Variants in DPP10 observed in about 807,000 individuals in gnomAD.
DPP10 encodes the protein inactive dipeptidyl peptidase 10.
In DPP10, 33 loss-of-function variants were observed where a neutral mutation model predicts 120.9. The ratio of observed to expected loss-of-function variants is 0.27; its 90% CI spans 0.21 to 0.37. DPP10 has a LOEUF of 0.37. Ranked by LOEUF, DPP10 falls within the 10% of genes least tolerant of loss-of-function variation. The pLI, the probability that DPP10 is intolerant of heterozygous loss-of-function variation, is 1.00. For synonymous variants in DPP10, 337 were observed against 326.1 expected (o/e 1.03, Z -0.36); for missense variants, 816 against 942.8 (o/e 0.87, Z 1.76).
At chr2:115,840,449 C>T (rs770741177) in intron 24 of DPP10, among the ~76,000 whole-genome samples, 4 of 150,832 alleles carry the variant, frequency 2.7e-5, no homozygotes, top group Admixed American at 1.3e-4. Context: ...CTCAGCCTCT[C>T]GAGTAGCTGG....
At chr2:115,581,190 G>T (rs2081985687) in intron 5 of DPP10, among the ~76,000 whole-genome samples, 1 of 152,120 alleles carries the variant, frequency 6.6e-6, no homozygotes, top group African/African-American at 2.4e-5. Context: ...TAATGGCTCT[G>T]ATTTTTGTTG....
intron 8 of DPP10, among the ~76,000 whole-genome samples, chr2:115,730,918 A>G (rs2092892309): frequency 6.6e-6 from 1 of 152,186 alleles, no homozygotes; most frequent in Admixed American, 6.5e-5. Context: ...TTGTGCATCT[A>G]ATCATTTATG....
At chr2:114,502,696 A>T (rs1339999676) in intron 1 of DPP10, among the ~76,000 whole-genome samples, 2 of 152,202 alleles carry the variant, frequency 1.3e-5, no homozygotes, top group East Asian at 3.9e-4. Flanking sequence ...TTCCCCACAC[A>T]TTCTACCATG....
chr2:114,636,334 A>G (rs770143933), intron 1 of DPP10, among the ~76,000 whole-genome samples: 1 of 152,030 alleles, frequency 6.6e-6, no homozygotes. Flanking sequence ...AGCTTCAACA[A>G]GAACATTCTT....
chr2:114,988,392 C>A (rs569260587), intron 1 of DPP10, among the ~76,000 whole-genome samples: 5 of 152,192 alleles, frequency 3.3e-5, no homozygotes, highest in Non-Finnish European at 7.3e-5. Flanking sequence ...AAGCTGACCA[C>A]ATATGTGAGA....
intron 1 of DPP10, among the ~76,000 whole-genome samples, chr2:114,451,499 T>C (rs995189373): frequency 1.3e-5 from 2 of 151,966 alleles, no homozygotes; most frequent in African/African-American, 4.8e-5. Context: ...AAGCCAGAAC[T>C]CTACATAGGA....
Position 114,863,511 on chromosome 2 carries a change from C to A in DPP10, c.60+420673C>A, listed in dbSNP as rs58970492. 7.4e-3 allele frequency among the ~76,000 whole-genome samples: 1,126 copies of A among 152,158 alleles called. 8 individuals are homozygous for A. The highest frequency in any genetic ancestry group is 0.022 in the African/African-American group (904 of 41,510). ...GTGGGTTCCCGTATCTTCACTCTTC[C>A]ATTCTCCACTACCAGATCTCCTTCC... On this transcript the variant is annotated intron_variant, in intron 1 of 25. Coordinates refer to ENST00000410059, the MANE Select transcript of DPP10 (RefSeq NM_020868.6).
At chr2:114,499,017 G>A (rs1274736332) in intron 1 of DPP10, among the ~76,000 whole-genome samples, 4 of 152,176 alleles carry the variant, frequency 2.6e-5, no homozygotes, top group Non-Finnish European at 5.9e-5. Flanking sequence ...TAGATCTGGA[G>A]GACAACATGC....
At chr2:114,469,607 A>G (rs1445108317) in intron 1 of DPP10, among the ~76,000 whole-genome samples, 2 of 152,154 alleles carry the variant, frequency 1.3e-5, no homozygotes, top group East Asian at 3.9e-4. Flanking sequence ...GCATGCCTGT[A>G]ATCCTAGCTA....
chr2:115,357,235 G>T (rs1267920863), intron 3 of DPP10, among the ~76,000 whole-genome samples: 1 of 152,158 alleles, frequency 6.6e-6, no homozygotes, highest in Non-Finnish European at 1.5e-5. Context: ...CTGAGACAAG[G>T]GAAATCCCTT....
intron 3 of DPP10, among the ~76,000 whole-genome samples, chr2:115,355,040 A>C (rs1380670122): frequency 3.3e-5 from 5 of 152,180 alleles, no homozygotes; most frequent in Non-Finnish European, 5.9e-5. Flanking sequence ...TAGTAGAATG[A>C]TTTATAATCT....
At chr2:115,606,978 A>G (rs1440405630) in intron 5 of DPP10, among the ~76,000 whole-genome samples, 2 of 152,204 alleles carry the variant, frequency 1.3e-5, no homozygotes, top group Admixed American at 6.5e-5. Flanking sequence ...GCCCTTGGCC[A>G]TGTGAGGTTG....
chr2:115,489,289 T>A (rs954715245), intron 3 of DPP10, among the ~76,000 whole-genome samples: 41 of 151,712 alleles, frequency 2.7e-4, no homozygotes, highest in African/African-American at 9.7e-4. Flanking sequence ...CTGTAGTTTA[T>A]GGACCCCTGA....
intron 1 of DPP10, among the ~76,000 whole-genome samples, chr2:114,634,660 G>T (rs994858868): frequency 6.6e-6 from 1 of 151,844 alleles, no homozygotes; most frequent in Non-Finnish European, 1.5e-5. Flanking sequence ...TTATGAATTA[G>T]GGATAATAAT....
intron 1 of DPP10, chr2:115,161,988 C>T (rs992065382): frequency 5.0e-6 from 7 of 1,397,306 alleles, no homozygotes; most frequent in Non-Finnish European, 5.5e-6. Context: ...CCGCAGCCCA[C>T]CCCGGGGGCC....
intron 4 of DPP10, among the ~76,000 whole-genome samples, chr2:115,520,915 G>A (rs981981247): frequency 6.6e-6 from 1 of 152,108 alleles, no homozygotes; most frequent in Non-Finnish European, 1.5e-5. Flanking sequence ...CATTACCGTG[G>A]CAATAAAAGA....
intron 2 of DPP10, among the ~76,000 whole-genome samples, chr2:115,332,664 G>A (rs903455835): frequency 1.3e-5 from 2 of 152,230 alleles, no homozygotes; most frequent in Admixed American, 6.5e-5. Context: ...CTTTATTTCT[G>A]CCTTCATTTT....
rs139833259 is a variant in DPP10, at chr2:114,741,797, G to A, written c.60+298959G>A. 2.7e-3 allele frequency among the ~76,000 whole-genome samples: 406 copies of A among 152,248 alleles called. 1 individual carries two copies. The highest frequency in any genetic ancestry group is 4.6e-3 in the Admixed American group (71 of 15,278). On this transcript the variant is annotated intron_variant, in intron 1 of 25. Coordinates refer to ENST00000410059, the MANE Select transcript of DPP10 (RefSeq NM_020868.6). ...CTGGAGTTACGCTGTCACAAGCCAC[G>A]GGGTGCCCAGGACCACCAGAAACTG...
At chr2:114,923,671 G>A (rs542905786) in intron 1 of DPP10, among the ~76,000 whole-genome samples, 1 of 150,652 alleles carries the variant, frequency 6.6e-6, no homozygotes, top group South Asian at 2.1e-4. Flanking sequence ...GTAGAGATGG[G>A]GTTTCACTGT....
Sources: gnomAD v4.1 joint callset for allele counts (sites outside exome capture counted in the v4.1 genomes callset) on GRCh38, gnomAD v4.1.1 for gene constraint, MANE v1.5 for transcripts, NCBI Gene and HGNC (gene_info 2026-07-23, HGNC 2026-07-21) for gene names.